Variants in REEP1 observed in about 807,000 individuals in gnomAD.
REEP1 encodes the protein receptor accessory protein 1, also known as receptor expression-enhancing protein 1.
Under a neutral mutation model 40.3 loss-of-function variants are expected in REEP1, and 22 were observed. The ratio of observed to expected loss-of-function variants is 0.55; its 90% confidence interval spans 0.39 to 0.78. The LOEUF is 0.78. Ranked by LOEUF, REEP1 falls within the 30% of genes least tolerant of loss-of-function variation. The pLI is 0.00. For missense variants in REEP1, 280 were observed against 361.1 expected (o/e 0.78, Z 1.82); for synonymous variants, 116 against 139.2 (o/e 0.83, Z 1.17).
intron 5 of REEP1, among the ~76,000 whole-genome samples, chr2:86,244,815 G>A (rs1174782668): frequency 1.3e-5 from 2 of 152,190 alleles, no homozygotes; most frequent in South Asian, 2.1e-4. Flanking sequence ...TAATGGAAAT[G>A]TGCTATCAGC....
At chr2:86,223,708 T>A (rs1226962082) in intron 7 of REEP1, 1 of 151,016 alleles carries the variant, frequency 6.6e-6, no homozygotes, top group Non-Finnish European at 1.5e-5. Context: ...AGAAGGACAC[T>A]GCCCAGAGGC....
chr2:86,258,549 C>T (rs1676691386), intron 3 of REEP1, among the ~76,000 whole-genome samples: 1 of 152,122 alleles, frequency 6.6e-6, no homozygotes, highest in Non-Finnish European at 1.5e-5. Flanking sequence ...GGGGAACAGT[C>T]CTGCTGCCTC....
intron 2 of REEP1, 90 bp from the exon 3 acceptor site, chr2:86,264,131 C>A: frequency 2.2e-6 from 2 of 917,278 alleles, no homozygotes; most frequent in East Asian, 2.4e-5. Flanking sequence ...GCGGCAGATA[C>A]GGAGGCACGT....
At chr2:86,240,298 G>A (rs1675604114) in intron 5 of REEP1, among the ~76,000 whole-genome samples, 1 of 152,216 alleles carries the variant, frequency 6.6e-6, no homozygotes, top group Admixed American at 6.5e-5. Flanking sequence ...GGAGCTCACA[G>A]TCTAGTTGGG....
intron 7 of REEP1, among the ~76,000 whole-genome samples, chr2:86,225,614 G>A (rs1244696293): frequency 6.6e-6 from 1 of 152,210 alleles, no homozygotes; most frequent in Non-Finnish European, 1.5e-5. Context: ...GCTGAGCACT[G>A]AGAGCCTTAA....
chr2:86,215,286 A>G lies in REEP1; in HGVS notation c.*1753T>C, dbSNP rs1674048046. On this transcript the variant is annotated 3_prime_UTR_variant, in exon 9 of 9. Coordinates refer to ENST00000538924, the MANE Select transcript of REEP1 (RefSeq NM_001371279.1). ...TTCCTATACCCTTTTGCAAATTACA[A>G]AATCACCTTCAGAGGAACTATGGGT... The G allele has an allele frequency of 6.6e-6, 1 of 152,178 alleles. No individual in the cohort carries two copies. The highest frequency in any genetic ancestry group is 1.5e-5 in the Non-Finnish European group (1 of 68,044). 9.4% of individuals were successfully genotyped at this position (152,178 alleles called of 1,614,324 possible).
At chr2:86,280,137 C>A in intron 2 of REEP1, 1 of 435,168 alleles carries the variant, frequency 2.3e-6, no homozygotes, top group South Asian at 1.6e-5. Flanking sequence ...ACAAAATGGG[C>A]GCATTAGTCG....
At chr2:86,283,493 A>G (rs1163053625) in intron 1 of REEP1, among the ~76,000 whole-genome samples, 1 of 152,212 alleles carries the variant, frequency 6.6e-6, no homozygotes, top group Non-Finnish European at 1.5e-5. Context: ...ACCACACTGA[A>G]GAAACCCAAA....
chr2:86,265,004 A>C (rs1014267512), intron 2 of REEP1, among the ~76,000 whole-genome samples: 1 of 152,206 alleles, frequency 6.6e-6, no homozygotes, highest in African/African-American at 2.4e-5. Flanking sequence ...GAGATGCTGG[A>C]AGTGGACAGA....
chr2:86,309,740 C>T (rs1033150355), intron 1 of REEP1, among the ~76,000 whole-genome samples: 3 of 152,158 alleles, frequency 2.0e-5, no homozygotes, highest in Non-Finnish European at 4.4e-5. Context: ...TCTAAGGATA[C>T]TAATCCCATC....
intron 5 of REEP1, among the ~76,000 whole-genome samples, chr2:86,242,208 T>A (rs1675704507): frequency 6.6e-6 from 1 of 152,196 alleles, no homozygotes; most frequent in South Asian, 2.1e-4. Context: ...CATCCCTGTT[T>A]GCAGGTGAAG....
intron 1 of REEP1, among the ~76,000 whole-genome samples, chr2:86,300,886 G>C (rs1195364551): frequency 1.3e-5 from 2 of 152,078 alleles, no homozygotes; most frequent in Admixed American, 6.6e-5. Context: ...ACTGGGGCTG[G>C]CCAAGTCCCC....
At chr2:86,266,573 T>C (rs920521215) in intron 2 of REEP1, among the ~76,000 whole-genome samples, 79 of 151,100 alleles carry the variant, frequency 5.2e-4, no homozygotes, top group African/African-American at 1.9e-3. Flanking sequence ...GAGCCGAGAT[T>C]GCGCCACTGC....
At chr2:86,228,304 T>C (rs1169786410) in intron 6 of REEP1, among the ~76,000 whole-genome samples, 1 of 152,192 alleles carries the variant, frequency 6.6e-6, no homozygotes, top group Non-Finnish European at 1.5e-5. Context: ...CTTGCAGCGC[T>C]GAGTGACCGT....
intron 2 of REEP1, among the ~76,000 whole-genome samples, chr2:86,274,309 C>T (rs1012869673): frequency 8.5e-5 from 13 of 152,174 alleles, no homozygotes; most frequent in Admixed American, 3.3e-4. Context: ...GATTGCCCAA[C>T]GGATTCCTAG....
intron 1 of REEP1, among the ~76,000 whole-genome samples, chr2:86,334,206 G>A (rs564130190): frequency 4.6e-5 from 7 of 152,270 alleles, no homozygotes; most frequent in South Asian, 2.1e-4. Context: ...AGACAACCAC[G>A]AGCACTGGCT....
chr2:86,323,454 A>G (rs1204735008), intron 1 of REEP1, among the ~76,000 whole-genome samples: 1 of 152,180 alleles, frequency 6.6e-6, no homozygotes, highest in Non-Finnish European at 1.5e-5. Context: ...GGTGAGCAGC[A>G]GCATTACCAC....
intron 1 of REEP1, among the ~76,000 whole-genome samples, chr2:86,292,929 G>C (rs1422074951): frequency 6.6e-6 from 1 of 152,156 alleles, no homozygotes; most frequent in African/African-American, 2.4e-5. Context: ...AAAAGCCCTG[G>C]GGAAGGCCAT....
chr2:86,258,799 AC>A lies in REEP1; in HGVS notation c.183-3986del, dbSNP rs200929360. On this transcript the variant is annotated intron_variant, in intron 3 of 8. Transcript: ENST00000538924. The stretch of plus-strand genomic sequence containing the variant: ...GTATTTGAAAAGGCCAGAGGCACCC[AC>A]CACATTTCCTCCATCTTTTCCAAGG... Among the ~76,000 whole-genome samples the A allele has an allele frequency of 1.0e-3, 156 of 152,254 alleles. 3 individuals are homozygous for A. The East Asian group carries it at 0.029, about 28-fold the overall frequency.
Sources: allele counts gnomAD v4.1 joint callset (sites outside exome capture counted in the v4.1 genomes callset), GRCh38; gene constraint gnomAD v4.1.1; transcripts MANE v1.5; gene names NCBI Gene and HGNC (gene_info 2026-07-23, HGNC 2026-07-21).